Variants in DZANK1 observed in about 807,000 individuals in gnomAD.
The protein encoded by DZANK1 is double zinc ribbon and ankyrin repeat-containing protein 1.
In DZANK1, 91 loss-of-function variants were observed where a neutral mutation model predicts 94.5. The ratio of observed to expected loss-of-function variants is 0.96; its 90% CI spans 0.81 to 1.15. DZANK1 has a LOEUF of 1.15. DZANK1 is among the 50% of genes most tolerant of loss of function. The pLI is 0.00. For missense variants in DZANK1, 903 were observed against 916.4 expected (o/e 0.99, Z 0.19); for synonymous variants, 312 against 325.3 (o/e 0.96, Z 0.44).
At chr20:18,408,888 G>T (rs944809750) in intron 13 of DZANK1, among the ~76,000 whole-genome samples, 1 of 152,186 alleles carries the variant, frequency 6.6e-6, no homozygotes, top group Non-Finnish European at 1.5e-5. Flanking sequence ...TGGCATTGTG[G>T]TGTGTGAACT....
intron 19 of DZANK1, among the ~76,000 whole-genome samples, chr20:18,385,819 A>C (rs559860020): frequency 6.6e-6 from 1 of 152,206 alleles, no homozygotes; most frequent in Non-Finnish European, 1.5e-5. Flanking sequence ...GAAAATAAAC[A>C]CCAATCTTAG....
intron 13 of DZANK1, among the ~76,000 whole-genome samples, chr20:18,409,579 CACA>C (rs755481742): frequency 8.3e-6 from 1 of 120,464 alleles, no homozygotes; most frequent in Non-Finnish European, 2.0e-5. Context: ...CACACACACA[CACA>C]CCACCACCAC....
At chr20:18,384,383 C>T (rs762417082) in exon 21 of DZANK1, 12 of 1,601,208 alleles carry the variant, frequency 7.5e-6, no homozygotes, top group Middle Eastern at 2.0e-4. Context: ...AATGAAGTCC[C>T]GTGGAGGCCT....
intron 3 of DZANK1, among the ~76,000 whole-genome samples, chr20:18,459,686 G>A (rs2059407383): frequency 6.6e-6 from 1 of 152,116 alleles, no homozygotes; most frequent in Non-Finnish European, 1.5e-5. Flanking sequence ...AAAAAAGTAT[G>A]GTAGCTAATG....
chr20:18,384,305 A>T, exon 21 of DZANK1: 1 of 1,333,926 alleles, frequency 7.5e-7, no homozygotes. Flanking sequence ...GTGATACGCC[A>T]GCCTCAGCCT....
intron 10 of DZANK1, among the ~76,000 whole-genome samples, chr20:18,417,577 C>A (rs2057550172): frequency 6.6e-6 from 1 of 152,060 alleles, no homozygotes; most frequent in Non-Finnish European, 1.5e-5. Context: ...CAAAAGAGAA[C>A]CCTAAAATTA....
chr20:18,450,101 T>C lies in DZANK1; in HGVS notation c.544-1032A>G, dbSNP rs374167792. 3.5e-3 allele frequency among the ~76,000 whole-genome samples: 479 copies of C among 138,818 alleles called. 7 individuals are homozygous for C. The South Asian group carries it at 0.048, about 14-fold the overall frequency. The allele number at this position is 138,818 out of a possible 152,430, so 91.1% of individuals were successfully genotyped here. The stretch of plus-strand genomic sequence containing the variant: ...TCAAATAAATAAATAAATAAATAAA[T>C]AAATAAATAAACAAACAAACAAACA... On this transcript the variant is annotated intron_variant, in intron 6 of 20. Coordinates refer to ENST00000262547, the Ensembl canonical transcript of DZANK1.
At chr20:18,430,847 T>C (rs1241183018) in intron 9 of DZANK1, among the ~76,000 whole-genome samples, 1 of 151,954 alleles carries the variant, frequency 6.6e-6, no homozygotes, top group Non-Finnish European at 1.5e-5. Context: ...AAAAAAGAAA[T>C]GACCAATAGA....
intron 8 of DZANK1, among the ~76,000 whole-genome samples, chr20:18,436,312 C>T (rs1332290628): frequency 2.0e-5 from 3 of 151,828 alleles, no homozygotes; most frequent in African/African-American, 7.3e-5. Flanking sequence ...TCGCCAGAGG[C>T]GGGCGCCTGT....
intron 16 of DZANK1, 32 bp from the exon 17 acceptor site, chr20:18,393,843 G>T: frequency 7.0e-7 from 1 of 1,421,522 alleles, no homozygotes; most frequent in Non-Finnish European, 9.9e-7. Flanking sequence ...AAAAAATGAT[G>T]CCCCTCCCCC....
intron 9 of DZANK1, among the ~76,000 whole-genome samples, chr20:18,429,085 A>G (rs928650222): frequency 2.0e-5 from 3 of 152,216 alleles, no homozygotes; most frequent in Non-Finnish European, 2.9e-5. Context: ...GCATTTATCT[A>G]TGAGATTTAG....
intron 7 of DZANK1, among the ~76,000 whole-genome samples, chr20:18,444,119 G>A (rs1485036316): frequency 6.6e-6 from 1 of 152,140 alleles, no homozygotes; most frequent in Non-Finnish European, 1.5e-5. Context: ...TCCTGATCCT[G>A]TGACCTATTG....
At chr20:18,412,997 C>T in intron 12 of DZANK1, 144 bp from the exon 13 acceptor site, 2 of 739,986 alleles carry the variant, frequency 2.7e-6, no homozygotes, top group Non-Finnish European at 2.2e-6. Context: ...CCAGCCTTTG[C>T]CTCATCTTCC....
At chr20:18,405,788 G>A (rs2056930216) in intron 13 of DZANK1, among the ~76,000 whole-genome samples, 1 of 152,242 alleles carries the variant, frequency 6.6e-6, no homozygotes, top group South Asian at 2.1e-4. Context: ...GAGGCATCGA[G>A]AAGGGCAGGA....
chr20:18,403,796 CTTTTTTT>C (rs35824877), intron 13 of DZANK1, among the ~76,000 whole-genome samples: 4 of 111,738 alleles, frequency 3.6e-5, no homozygotes, highest in Non-Finnish European at 7.2e-5. Context: ...AACTTTCTTT[CTTTTTTT>C]TTTTTTTTTT....
In DZANK1 at chr20:18,393,948, G is replaced by A. The variant is rs2056172473; in HGVS notation, c.1709-137C>T. On this transcript the variant is annotated intron_variant, in intron 16 of 20. Coordinates refer to ENST00000262547, the Ensembl canonical transcript of DZANK1. ...TAGAAATTTCTATTTGATTAAACCC[G>A]GCAGGAGAGACTCCTGGAGCCACTC... 7.5e-6 allele frequency: 5 copies of A among 663,272 alleles called. No homozygotes were observed. The Admixed American group carries it at 8.7e-5, about 12-fold the overall frequency. The allele number at this position is 663,272 out of a possible 1,614,324, so 41.1% of individuals were successfully genotyped here.
chr20:18,465,864 A>G (rs948931143), intron 1 of DZANK1, among the ~76,000 whole-genome samples: 5 of 152,226 alleles, frequency 3.3e-5, no homozygotes, highest in South Asian at 2.1e-4. Flanking sequence ...CAGCCTTGCC[A>G]TTATCACCAG....
At chr20:18,442,352 G>A (rs1039221187) in intron 8 of DZANK1, among the ~76,000 whole-genome samples, 4 of 151,962 alleles carry the variant, frequency 2.6e-5, no homozygotes, top group Non-Finnish European at 4.4e-5. Flanking sequence ...TTTCTGTATC[G>A]TCTTCTTTCA....
At chr20:18,397,573 G>A (rs1405880441) in intron 14 of DZANK1, among the ~76,000 whole-genome samples, 1 of 152,266 alleles carries the variant, frequency 6.6e-6, no homozygotes, top group Admixed American at 6.5e-5. Flanking sequence ...CAACTGCGGT[G>A]TGAAAAACCA....
Sources: gnomAD v4.1 joint callset for allele counts (sites outside exome capture counted in the v4.1 genomes callset) on GRCh38, gnomAD v4.1.1 for gene constraint, MANE v1.5 for transcripts, NCBI Gene and HGNC (gene_info 2026-07-23, HGNC 2026-07-21) for gene names.